The following NAALADL2 variants were observed in gnomAD, a reference collection of about 807,000 sequenced individuals.
NAALADL2 encodes the protein N-acetylated alpha-linked acidic dipeptidase like 2, also known as inactive N-acetylated-alpha-linked acidic dipeptidase-like protein 2.
A neutral mutation model predicts 87.2 loss-of-function variants in NAALADL2; 76 were observed. That is an observed-to-expected ratio of 0.87 (90% CI 0.72 to 1.05). The LOEUF (loss-of-function observed/expected upper bound fraction) is 1.05. Ranked by LOEUF, NAALADL2 falls within the 50% of genes least tolerant of loss-of-function variation. The pLI is 0.00. For synonymous variants in NAALADL2, 354 were observed against 331.0 expected, an observed-to-expected ratio of 1.07 and a Z score of -0.75; for missense variants, 1,089 against 945.8, an observed-to-expected ratio of 1.15 and a Z score of -1.99.
intron 3 of NAALADL2, among the ~76,000 whole-genome samples, chr3:174,777,072 C>T (rs940287543): frequency 6.6e-6 from 1 of 152,010 alleles, no homozygotes; most frequent in Non-Finnish European, 1.5e-5. Context: ...TGACTGTGTG[C>T]ATTTGTCAAC....
At chr3:174,747,087 T>C (rs977308086) in intron 3 of NAALADL2, among the ~76,000 whole-genome samples, 1 of 152,114 alleles carries the variant, frequency 6.6e-6, no homozygotes, top group African/African-American at 2.4e-5. Flanking sequence ...TGGGATCTAA[T>C]TAAACTAAAG....
rs1272077304 is a variant in NAALADL2 at position 175,471,714 on chromosome 3, C to T, written c.1609C>T (p.Leu537=). 1 of 1,606,794 alleles carries T rather than the reference C, an allele frequency of 6.2e-7. No homozygotes were observed. Among genetic ancestry groups the T allele is most frequent in the Non-Finnish European group, 8.5e-7 (1 of 1,175,416 alleles). ...CAGTCCCATAAGGGGGAACTCTAGT[C>T]TGTATCCTGTAGCATCACCATCTCT... ...LHSPIRGNSS[L]YPVASPSLQQ... The change falls in exon 9 of 14, where the codon CTG becomes TTG. Residue 537 remains leucine (L), a synonymous_variant. Coordinates refer to ENST00000454872, the MANE Select transcript of NAALADL2 (RefSeq NM_207015.3).
chr3:175,032,315 CA>C (rs1434900257), intron 1 of NAALADL2, among the ~76,000 whole-genome samples: 1 of 151,934 alleles, frequency 6.6e-6, no homozygotes, highest in Admixed American at 6.6e-5. Context: ...TTAATATTCT[CA>C]AAAAATTAGC....
intron 2 of NAALADL2, among the ~76,000 whole-genome samples, chr3:174,630,587 C>T (rs895477147): frequency 1.3e-5 from 2 of 152,186 alleles, no homozygotes. Context: ...TTCTCAACCA[C>T]TACCTTTGCC....
At chr3:175,572,363 A>T (rs1718207707) in intron 9 of NAALADL2, among the ~76,000 whole-genome samples, 1 of 151,196 alleles carries the variant, frequency 6.6e-6, no homozygotes, top group Non-Finnish European at 1.5e-5. Flanking sequence ...GAATTGTAAG[A>T]TATTTCTAGA....
At chr3:175,430,389 C>T (rs1717555546) in intron 5 of NAALADL2, among the ~76,000 whole-genome samples, 1 of 151,904 alleles carries the variant, frequency 6.6e-6, no homozygotes, top group African/African-American at 2.4e-5. Context: ...TAAAGATTCT[C>T]TATGGCATTA....
At chr3:175,042,060 G>A (rs546910365) in intron 1 of NAALADL2, among the ~76,000 whole-genome samples, 18 of 152,150 alleles carry the variant, frequency 1.2e-4, no homozygotes, top group African/African-American at 4.1e-4. Flanking sequence ...TGTTCACTTT[G>A]ACCAACTTTT....
intron 2 of NAALADL2, among the ~76,000 whole-genome samples, chr3:175,143,664 A>T (rs1194138115): frequency 6.6e-6 from 1 of 151,868 alleles, no homozygotes; most frequent in Non-Finnish European, 1.5e-5. Flanking sequence ...AATACACTTT[A>T]TGGAAAATAA....
At chr3:174,780,494 C>T (rs1715822259) in intron 3 of NAALADL2, among the ~76,000 whole-genome samples, 1 of 152,074 alleles carries the variant, frequency 6.6e-6, no homozygotes. Context: ...GCCTGATTGC[C>T]CTGGCCAGAA....
intron 2 of NAALADL2, among the ~76,000 whole-genome samples, chr3:175,207,354 G>T (rs762169625): frequency 6.6e-6 from 1 of 151,944 alleles, no homozygotes; most frequent in Non-Finnish European, 1.5e-5. Context: ...AAAAAAAAGA[G>T]ATTAAAACCA....
Position 175,528,123 on chromosome 3 carries a change from T to G in NAALADL2, c.1654-47918T>G, listed in dbSNP as rs141980033. On this transcript the variant is annotated intron_variant, in intron 9 of 13. Transcript: ENST00000454872. The stretch of plus-strand genomic sequence containing the variant: ...GAAAATTCTGAATTAAATTATTTGG[T>G]GTATTAGTCAGGGTTCTCTAAAGGG... 6.5e-3 allele frequency among the ~76,000 whole-genome samples: 983 copies of G among 152,252 alleles called. 9 individuals carry two copies. Among genetic ancestry groups the G allele is most frequent in the African/African-American group, 0.023 (937 of 41,536 alleles).
chr3:175,353,411 C>A (rs987736425), intron 5 of NAALADL2, among the ~76,000 whole-genome samples: 3 of 152,140 alleles, frequency 2.0e-5, no homozygotes, highest in African/African-American at 7.2e-5. Context: ...TTAATGTATT[C>A]TCTCATCCCA....
At chr3:174,886,000 G>T (rs1417559522) in intron 1 of NAALADL2, among the ~76,000 whole-genome samples, 1 of 140,118 alleles carries the variant, frequency 7.1e-6, no homozygotes, top group African/African-American at 2.6e-5. Flanking sequence ...TGCAAGCTCC[G>T]CCTCCTGGGT....
chr3:174,701,203 T>A (rs572862186), intron 2 of NAALADL2, among the ~76,000 whole-genome samples: 5 of 151,068 alleles, frequency 3.3e-5, no homozygotes, highest in African/African-American at 1.2e-4. Context: ...ATAATTATAA[T>A]ATTTCAAAAT....
chr3:174,687,364 A>G (rs1471979149), intron 2 of NAALADL2, among the ~76,000 whole-genome samples: 1 of 152,086 alleles, frequency 6.6e-6, no homozygotes, highest in Non-Finnish European at 1.5e-5. Flanking sequence ...CCCTCTTACC[A>G]TAATATGTTT....
intron 1 of NAALADL2, among the ~76,000 whole-genome samples, chr3:175,089,525 A>C (rs192793225): frequency 6.6e-6 from 1 of 152,358 alleles, no homozygotes; most frequent in Non-Finnish European, 1.5e-5. Context: ...TTGTTTCATT[A>C]AATGACATAA....
chr3:175,641,079 C>T (rs1339984088), intron 11 of NAALADL2, among the ~76,000 whole-genome samples: 3 of 152,076 alleles, frequency 2.0e-5, no homozygotes. Flanking sequence ...TCAAATATGA[C>T]CCTTTTCTGA....
intron 9 of NAALADL2, among the ~76,000 whole-genome samples, chr3:175,514,119 T>C (rs1731529685): frequency 1.3e-5 from 2 of 152,322 alleles, no homozygotes; most frequent in South Asian, 4.1e-4. Context: ...TATAGGGTCA[T>C]GGTTAAGATT....
intron 2 of NAALADL2, among the ~76,000 whole-genome samples, chr3:175,143,342 C>A (rs1217637811): frequency 6.6e-6 from 1 of 151,832 alleles, no homozygotes; most frequent in East Asian, 1.9e-4. Flanking sequence ...AAAGTAATGA[C>A]TATTCCCTTT....
Sources: gnomAD v4.1 joint callset for allele counts (sites outside exome capture counted in the v4.1 genomes callset) on GRCh38, gnomAD v4.1.1 for gene constraint, MANE v1.5 for transcripts, NCBI Gene and HGNC (gene_info 2026-07-23, HGNC 2026-07-21) for gene names.